The following SNX25 variants were observed in gnomAD, a reference collection of about 807,000 sequenced individuals.
SNX25 encodes the protein sorting nexin 25, also known as sorting nexin-25.
A neutral mutation model predicts 113.7 loss-of-function variants in SNX25; 62 were observed. The observed-to-expected ratio is 0.55, with a 90% confidence interval of 0.44 to 0.67. The LOEUF is 0.67. Among genes scored for constraint, SNX25 ranks in the 30% least tolerant of loss-of-function variants. The pLI, the probability that SNX25 is intolerant of heterozygous loss-of-function variation, is 0.00. For missense variants in SNX25, 1,014 were observed against 1,161.0 expected (o/e 0.87, Z 1.84); for synonymous variants, 421 against 436.2 (o/e 0.97, Z 0.43).
chr4:185,323,734 T>A lies in SNX25; in HGVS notation c.1683T>A (p.Tyr561Ter). The part of the protein sequence containing the change: ...YYPSFIVSDL[Y>*]EKLLIKEEEK... Reference sequence around the variant, plus strand: ...CTTCATTTATTGTCAGTGACCTGTATGAGAAATTGTTGATAAAAGAGGAAG... The same window carrying A: ...CTTCATTTATTGTCAGTGACCTGTAAGAGAAATTGTTGATAAAAGAGGAAG... Residue 561 changes from tyrosine to a stop codon, truncating the protein, a stop_gained, in exon 9 of 19, where the codon TAT (tyrosine) becomes TAA (stop). Coordinates refer to ENST00000652585, the MANE Select transcript of SNX25 (RefSeq NM_001378034.2). LOFTEE classifies it high-confidence loss of function. 6.2e-7 allele frequency: 1 copy of A among 1,613,454 alleles called. No homozygotes were observed. The highest frequency in any genetic ancestry group is 8.5e-7 in the Non-Finnish European group (1 of 1,179,582).
Position 185,269,407 on chromosome 4 carries a change from C to T in SNX25, c.1091+2252C>T, listed in dbSNP as rs369630746. ...GTGACATGATGACTATGCCCCACAA[C>T]GTTATAAATTCTTCCTAAGTCATTG... On this transcript the variant is annotated intron_variant, in intron 5 of 18. Coordinates refer to ENST00000652585, the MANE Select transcript of SNX25 (RefSeq NM_001378034.2). Among the ~76,000 whole-genome samples, 18 of 152,284 alleles carry T rather than the reference C, an allele frequency of 1.2e-4. 1 individual carries two copies. Among genetic ancestry groups the T allele is most frequent in the African/African-American group, 2.4e-4 (10 of 41,554 alleles).
intron 12 of SNX25, among the ~76,000 whole-genome samples, chr4:185,345,016 A>G (rs2095278682): frequency 6.6e-6 from 1 of 152,252 alleles, no homozygotes; most frequent in African/African-American, 2.4e-5. Context: ...TTGTGAAACC[A>G]AAGTTTGTAT....
chr4:185,237,883 A>T (rs375490793), intron 1 of SNX25, among the ~76,000 whole-genome samples: 121 of 151,338 alleles, frequency 8.0e-4, no homozygotes, highest in African/African-American at 2.7e-3. Flanking sequence ...GCCAACATGG[A>T]GAAACCCCGT....
At chr4:185,219,809 C>T (rs898824694) in intron 1 of SNX25, among the ~76,000 whole-genome samples, 29 of 152,042 alleles carry the variant, frequency 1.9e-4, no homozygotes, top group South Asian at 6.2e-4. Context: ...AATATATACC[C>T]GAGGGCTGCT....
chr4:185,286,170 C>CT (rs1245487122), intron 5 of SNX25, among the ~76,000 whole-genome samples: 1 of 152,088 alleles, frequency 6.6e-6, no homozygotes, highest in Non-Finnish European at 1.5e-5. Context: ...GGCTGGAGGG[C>CT]AGTGGCGCAA....
intron 1 of SNX25, among the ~76,000 whole-genome samples, chr4:185,225,118 C>CTTTTTTTT: frequency 7.6e-6 from 1 of 132,100 alleles, no homozygotes; most frequent in Non-Finnish European, 1.6e-5. Context: ...TCTATGTCTT[C>CTTTTTTTT]TTTTTTTTTT....
At chr4:185,340,707 A>ATACACAGCG (rs1490097753) in intron 11 of SNX25, among the ~76,000 whole-genome samples, 213 of 152,332 alleles carry the variant, frequency 1.4e-3, no homozygotes, top group African/African-American at 5.0e-3. Flanking sequence ...ACAGTGTATT[A>ATACACAGCG]AAATCATCTT....
chr4:185,329,438 C>T lies in SNX25; in HGVS notation c.1750-3157C>T, dbSNP rs181050704. On this transcript the variant is annotated intron_variant, in intron 9 of 18. Coordinates refer to ENST00000652585, the MANE Select transcript of SNX25 (RefSeq NM_001378034.2). Reference sequence around the variant, plus strand: ...CCCCAGACAAAAGACAGAGACCCAGCGTCCTCTTTCCTAAAGAGGACGGTT... The same window carrying T: ...CCCCAGACAAAAGACAGAGACCCAGTGTCCTCTTTCCTAAAGAGGACGGTT... 1.7e-3 allele frequency among the ~76,000 whole-genome samples: 256 copies of T among 152,214 alleles called. 1 individual carries two copies. The highest frequency in any genetic ancestry group is 5.9e-3 in the African/African-American group (246 of 41,550).
intron 5 of SNX25, among the ~76,000 whole-genome samples, chr4:185,272,619 G>A (rs2126565437): frequency 6.6e-6 from 1 of 152,300 alleles, no homozygotes; most frequent in Admixed American, 6.5e-5. Context: ...CTCCCCTGGT[G>A]ATCGTAACGT....
At chr4:185,214,394 C>CAAAAAA in intron 1 of SNX25, among the ~76,000 whole-genome samples, 1 of 122,342 alleles carries the variant, frequency 8.2e-6, no homozygotes, top group Non-Finnish European at 1.7e-5. Flanking sequence ...CCATCTCTAC[C>CAAAAAA]AAAAAAAAAA....
At chr4:185,238,439 C>G (rs1439196614) in intron 1 of SNX25, among the ~76,000 whole-genome samples, 1 of 152,084 alleles carries the variant, frequency 6.6e-6, no homozygotes, top group Non-Finnish European at 1.5e-5. Context: ...TCTCATCCTT[C>G]TGAGGAGGGA....
chr4:185,337,082 A>C (rs1185073404), intron 10 of SNX25, among the ~76,000 whole-genome samples: 1 of 152,074 alleles, frequency 6.6e-6, no homozygotes, highest in Non-Finnish European at 1.5e-5. Context: ...GGATGTATAG[A>C]TCATGAAGAT....
intron 1 of SNX25, among the ~76,000 whole-genome samples, chr4:185,227,501 T>A (rs3112910): frequency 1.3e-5 from 2 of 152,064 alleles, no homozygotes; most frequent in Admixed American, 1.3e-4. Context: ...GCCTGCATTT[T>A]TGTATGTTCA....
intron 13 of SNX25, among the ~76,000 whole-genome samples, chr4:185,349,879 A>G (rs1185129190): frequency 1.3e-5 from 2 of 152,224 alleles, no homozygotes; most frequent in African/African-American, 4.8e-5. Flanking sequence ...ATATCCTGCT[A>G]TTTTGTAAAA....
At chr4:185,265,256 A>G (rs529454407) in intron 4 of SNX25, among the ~76,000 whole-genome samples, 2 of 152,206 alleles carry the variant, frequency 1.3e-5, no homozygotes, top group African/African-American at 2.4e-5. Context: ...TCATTAGACA[A>G]TGTCATTGTG....
At position 185,291,789 on chromosome 4, in the gene SNX25, C is replaced by G. The variant is rs187923068; in HGVS notation, c.1162+3707C>G. ...GGGCACTAGTCATATTGGATTGGGG[C>G]CCACCCTGATTAAGCATGACTTTAT... On this transcript the variant is annotated intron_variant, in intron 6 of 18. Coordinates refer to ENST00000652585, the MANE Select transcript of SNX25 (RefSeq NM_001378034.2). Among the ~76,000 whole-genome samples the G allele has an allele frequency of 3.0e-4, 45 of 152,244 alleles. No individual in the cohort carries two copies. In the East Asian group the frequency reaches 7.5e-3, roughly 25 times the overall value.
chr4:185,377,139 C>G, the SNX25 span: 1 of 730,880 alleles, frequency 1.4e-6, no homozygotes. Context: ...GTGCTCATTC[C>G]TACAACTGGC....
chr4:185,290,715 T>C (rs537245415), intron 6 of SNX25, among the ~76,000 whole-genome samples: 2 of 152,240 alleles, frequency 1.3e-5, no homozygotes, highest in East Asian at 3.9e-4. Flanking sequence ...ATTTTAATTA[T>C]AACTGAAGTG....
At chr4:185,217,277 T>G (rs1194866103) in intron 1 of SNX25, among the ~76,000 whole-genome samples, 1 of 151,202 alleles carries the variant, frequency 6.6e-6, no homozygotes, top group Non-Finnish European at 1.5e-5. Flanking sequence ...AGAAATACTG[T>G]GTAGCTGCAA....
Sources: allele counts gnomAD v4.1 joint callset (sites outside exome capture counted in the v4.1 genomes callset), GRCh38; gene constraint gnomAD v4.1.1; transcripts MANE v1.5; gene names NCBI Gene and HGNC (gene_info 2026-07-23, HGNC 2026-07-21).